The following ADGRB3 variants were observed in gnomAD, a reference collection of about 807,000 sequenced individuals.
The protein encoded by ADGRB3 is brain-specific angiogenesis inhibitor 3.
ADGRB3 carries 37 observed loss-of-function variants against 193.4 expected under a neutral mutation model. The ratio of observed to expected loss-of-function variants is 0.19; its 90% CI spans 0.15 to 0.25. The LOEUF is 0.25. ADGRB3 is among the 10% of genes least tolerant of loss of function. The probability of loss-of-function intolerance (pLI) is 1.00; values close to 1 mark genes in which losing one functional copy is unlikely to be tolerated. For synonymous variants in ADGRB3, 690 were observed against 644.2 expected (o/e 1.07, Z -1.08); for missense variants, 1,637 against 1,852.9 (o/e 0.88, Z 2.14).
chr6:68,956,295 A>ATG, intron 7 of ADGRB3, 107 bp downstream of exon 7: 1 of 895,854 alleles, frequency 1.1e-6, no homozygotes, highest in Non-Finnish European at 1.6e-6. Context: ...TAATCATTAT[A>ATG]TATATATGTG....
At chr6:69,319,202 A>G (rs1423744215) in intron 20 of ADGRB3, among the ~76,000 whole-genome samples, 1 of 151,256 alleles carries the variant, frequency 6.6e-6, no homozygotes, top group Non-Finnish European at 1.5e-5. Flanking sequence ...ATTGTTATTC[A>G]GTTCTAAATA....
intron 3 of ADGRB3, among the ~76,000 whole-genome samples, chr6:68,639,645 A>G (rs1246221004): frequency 6.6e-6 from 1 of 152,204 alleles, no homozygotes; most frequent in Non-Finnish European, 1.5e-5. Flanking sequence ...GCTCAGCAGC[A>G]TGCGCTGGAA....
At chr6:68,933,458 T>TGGC (rs1232658888) in intron 4 of ADGRB3, among the ~76,000 whole-genome samples, 1 of 152,126 alleles carries the variant, frequency 6.6e-6, no homozygotes, top group Non-Finnish European at 1.5e-5. Flanking sequence ...CTGGGTGTGG[T>TGGC]GGCGCACACC....
At chr6:69,281,110 A>G (rs1047215006) in intron 20 of ADGRB3, among the ~76,000 whole-genome samples, 16 of 152,160 alleles carry the variant, frequency 1.1e-4, no homozygotes, top group African/African-American at 3.6e-4. Context: ...CACAGACCAT[A>G]GAACAACTTT....
At chr6:68,889,877 A>C (rs1766023585) in intron 3 of ADGRB3, among the ~76,000 whole-genome samples, 1 of 152,170 alleles carries the variant, frequency 6.6e-6, no homozygotes, top group Admixed American at 6.5e-5. Flanking sequence ...GATTAACCAA[A>C]AATTGTGAAG....
At chr6:69,341,723 A>G (rs1478952948) in intron 26 of ADGRB3, among the ~76,000 whole-genome samples, 2 of 152,166 alleles carry the variant, frequency 1.3e-5, no homozygotes, top group Non-Finnish European at 2.9e-5. Context: ...TGGGTCTTCT[A>G]TATTAATATT....
chr6:68,762,045 T>G (rs1410214368), intron 3 of ADGRB3, among the ~76,000 whole-genome samples: 2 of 152,290 alleles, frequency 1.3e-5, no homozygotes, highest in African/African-American at 4.8e-5. Context: ...ATACAAATAT[T>G]CAGATATCAA....
rs139236332 is a variant in ADGRB3, at chr6:68,765,083, G to C, written c.757+125651G>C. On this transcript the variant is annotated intron_variant, in intron 3 of 31. Transcript: ENST00000370598. ...TCAGAGTTTGTCTATAGATTCTCAG[G>C]GTTCATGTGAAGACCATAAATGTCT... is the stretch of plus-strand genomic sequence containing the variant. Among the ~76,000 whole-genome samples the C allele has an allele frequency of 1.2e-4, 18 of 152,090 alleles. No homozygotes were observed. The East Asian group carries it at 3.5e-3, about 29-fold the overall frequency.
At chr6:69,361,778 G>A (rs997617787) in intron 29 of ADGRB3, among the ~76,000 whole-genome samples, 5 of 148,118 alleles carry the variant, frequency 3.4e-5, no homozygotes, top group African/African-American at 1.3e-4. Context: ...ATACTAATCA[G>A]TCATAATTCT....
chr6:69,237,799 C>T (rs1766300518), intron 19 of ADGRB3, among the ~76,000 whole-genome samples: 1 of 151,904 alleles, frequency 6.6e-6, no homozygotes, highest in Non-Finnish European at 1.5e-5. Context: ...TTATATTCCC[C>T]ACCCACAAAA....
In ADGRB3 at chr6:69,142,332, C is replaced by T. The variant is rs1052880338; in HGVS notation, c.2480+66294C>T. ...ATTGGTTTGGGGACCTACAATGGTCCTCTGTGATTTGCATAATAAAAGTAT... is the reference window on the plus strand; with the variant it reads ...ATTGGTTTGGGGACCTACAATGGTCTTCTGTGATTTGCATAATAAAAGTAT... On this transcript the variant is annotated intron_variant, in intron 17 of 31. Coordinates refer to ENST00000370598, the MANE Select transcript of ADGRB3 (RefSeq NM_001704.3). Among the ~76,000 whole-genome samples, 27 of 152,094 alleles carry T rather than the reference C, an allele frequency of 1.8e-4. 1 individual carries two copies. Among genetic ancestry groups the T allele is most frequent in the African/African-American group, 6.5e-4 (27 of 41,418 alleles).
intron 3 of ADGRB3, among the ~76,000 whole-genome samples, chr6:68,738,629 A>G (rs1308588854): frequency 6.6e-6 from 1 of 152,172 alleles, no homozygotes; most frequent in Non-Finnish European, 1.5e-5. Context: ...ATAAAATATG[A>G]AAATAAGAGT....
chr6:69,084,304 A>G (rs977937746), intron 17 of ADGRB3, among the ~76,000 whole-genome samples: 2 of 152,240 alleles, frequency 1.3e-5, no homozygotes, highest in Non-Finnish European at 2.9e-5. Flanking sequence ...AATTCTGGCC[A>G]AAGAGATCTT....
At chr6:69,052,032 A>C (rs1055579461) in intron 15 of ADGRB3, among the ~76,000 whole-genome samples, 1 of 152,008 alleles carries the variant, frequency 6.6e-6, no homozygotes. Context: ...CTGGGACTTC[A>C]GGCGCCCACC....
intron 15 of ADGRB3, among the ~76,000 whole-genome samples, chr6:69,057,242 G>T (rs990368619): frequency 6.6e-6 from 1 of 151,886 alleles, no homozygotes; most frequent in Non-Finnish European, 1.5e-5. Context: ...TAATTTTCTT[G>T]CATTCTGCAA....
At chr6:69,049,440 T>C in intron 15 of ADGRB3, 94 bp downstream of exon 15, 1 of 881,650 alleles carries the variant, frequency 1.1e-6, no homozygotes, top group Non-Finnish European at 1.7e-6. Context: ...CAAGCTGTGG[T>C]AATATGAAGG....
At position 69,070,711 on chromosome 6, in the gene ADGRB3, A is replaced by G. The variant is rs115599290; in HGVS notation, c.2437-5284A>G. 6.2e-3 allele frequency among the ~76,000 whole-genome samples: 939 copies of G among 152,280 alleles called. 9 individuals are homozygous for G. The highest frequency in any genetic ancestry group is 0.021 in the African/African-American group (869 of 41,564). ...ACCTTAACATTCCTATAGCCAATGA[A>G]TCTACATTTTCAGTATGCATCCCAG... On this transcript the variant is annotated intron_variant, in intron 16 of 31. Transcript: ENST00000370598.
intron 13 of ADGRB3, among the ~76,000 whole-genome samples, chr6:69,035,220 G>A (rs956372680): frequency 3.3e-5 from 5 of 152,176 alleles, no homozygotes; most frequent in African/African-American, 9.6e-5. Context: ...TCGCTGGTAT[G>A]AGGATTTAAA....
intron 30 of ADGRB3, among the ~76,000 whole-genome samples, chr6:69,381,568 A>G (rs1769946629): frequency 6.6e-6 from 1 of 151,998 alleles, no homozygotes; most frequent in Admixed American, 6.6e-5. Flanking sequence ...ATAGGAGAGA[A>G]CAGACTTTTT....
Sources: gnomAD v4.1 joint callset for allele counts (sites outside exome capture counted in the v4.1 genomes callset) on GRCh38, gnomAD v4.1.1 for gene constraint, MANE v1.5 for transcripts, NCBI Gene and HGNC (gene_info 2026-07-23, HGNC 2026-07-21) for gene names.